The following ZNF451 variants were observed in gnomAD, a reference collection of about 807,000 sequenced individuals.
ZNF451 encodes the protein zinc finger protein 451, also known as E3 SUMO-protein ligase ZNF451.
A neutral mutation model predicts 107.1 loss-of-function variants in ZNF451; 80 were observed. The ratio of observed to expected loss-of-function variants is 0.75; its 90% CI spans 0.62 to 0.90. The LOEUF is 0.90. ZNF451 is among the 40% of genes least tolerant of loss of function. ZNF451 has a pLI of 0.00. For synonymous variants in ZNF451, 362 were observed against 406.5 expected, an observed-to-expected ratio of 0.89 and a Z score of 1.32; for missense variants, 1,107 against 1,236.2, an observed-to-expected ratio of 0.90 and a Z score of 1.57.
chr6:57,137,659 T>C (rs1831500662), intron 7 of ZNF451, among the ~76,000 whole-genome samples: 1 of 152,194 alleles, frequency 6.6e-6, no homozygotes, highest in Non-Finnish European at 1.5e-5. Context: ...GTGAGCTCCT[T>C]TGTACCTCAG....
intron 3 of ZNF451, among the ~76,000 whole-genome samples, chr6:57,120,505 A>C (rs902476763): frequency 6.6e-6 from 1 of 152,230 alleles, no homozygotes. Context: ...ACCATTTTGC[A>C]TTCCAACCAG....
chr6:57,121,209 A>G (rs1283688600), intron 3 of ZNF451, among the ~76,000 whole-genome samples: 2 of 151,980 alleles, frequency 1.3e-5, no homozygotes, highest in Non-Finnish European at 2.9e-5. Context: ...ATGTGGGTCT[A>G]TTTCTGGACT....
At chr6:57,098,902 T>G (rs959801390) in intron 2 of ZNF451, among the ~76,000 whole-genome samples, 159 bp from the exon 3 acceptor site, 1 of 152,250 alleles carries the variant, frequency 6.6e-6, no homozygotes, top group Non-Finnish European at 1.5e-5. Context: ...TTGAATATTT[T>G]CCTCTGCTGC....
In ZNF451 at chr6:57,118,206, C is replaced by T. The variant is rs553750593; in HGVS notation, c.187-6528C>T. Reference sequence around the variant, plus strand: ...TTCTCTCAACCTTTAGGAGAATTGTCATTACTGTCTTTTTTTTTTTGGTAG... The same window carrying T: ...TTCTCTCAACCTTTAGGAGAATTGTTATTACTGTCTTTTTTTTTTTGGTAG... On this transcript the variant is annotated intron_variant, in intron 3 of 14. Transcript: ENST00000370706. Among the ~76,000 whole-genome samples, 3 of 151,884 alleles carry T rather than the reference C, an allele frequency of 2.0e-5. No individual in the cohort carries two copies. The East Asian group carries it at 5.8e-4, about 29-fold the overall frequency.
At chr6:57,113,124 T>C (rs1830186823) in intron 3 of ZNF451, among the ~76,000 whole-genome samples, 1 of 152,142 alleles carries the variant, frequency 6.6e-6, no homozygotes. Flanking sequence ...AACCGATTGT[T>C]ATTTTTCTGG....
At chr6:57,101,470 T>G in intron 3 of ZNF451, 1 of 1,550,914 alleles carries the variant, frequency 6.4e-7, no homozygotes, top group Non-Finnish European at 8.7e-7. Flanking sequence ...TGTAGAAGCA[T>G]TAGAACACAG....
At chr6:57,092,119 A>G (rs982566838) in intron 2 of ZNF451, among the ~76,000 whole-genome samples, 1 of 152,150 alleles carries the variant, frequency 6.6e-6, no homozygotes, top group African/African-American at 2.4e-5. Context: ...TTCTTCCTGA[A>G]TCTTGGTATA....
chr6:57,143,428 C>A (rs1831882105), intron 9 of ZNF451, among the ~76,000 whole-genome samples: 1 of 152,192 alleles, frequency 6.6e-6, no homozygotes, highest in East Asian at 1.9e-4. Flanking sequence ...GTTGTTTGCC[C>A]ATTTTCTAGT....
chr6:57,123,527 TA>T (rs2127958730), intron 3 of ZNF451, among the ~76,000 whole-genome samples: 1 of 151,536 alleles, frequency 6.6e-6, no homozygotes, highest in African/African-American at 2.4e-5. Flanking sequence ...AGAGAGAGGG[TA>T]GGGGGACAAG....
chr6:57,105,145 A>G, intron 3 of ZNF451: 1 of 985,426 alleles, frequency 1.0e-6, no homozygotes. Flanking sequence ...TGCCATGTTC[A>G]GAACCTGCAA....
At chr6:57,103,131 A>G in intron 3 of ZNF451, 1 of 985,428 alleles carries the variant, frequency 1.0e-6, no homozygotes, top group South Asian at 4.7e-5. Context: ...CAGGCATGCA[A>G]ATCTGAACTC....
rs180880586 is a variant in ZNF451, at chr6:57,158,865, G to C, written c.3071-2219G>C. ...ATTGTGGATGAGTGGGTTAGAAGCAGTAAGTAGGGTTGGCATCTATGAGTC... is the reference window on the plus strand; with the variant it reads ...ATTGTGGATGAGTGGGTTAGAAGCACTAAGTAGGGTTGGCATCTATGAGTC... On this transcript the variant is annotated intron_variant, in intron 13 of 14. Coordinates refer to ENST00000370706, the MANE Select transcript of ZNF451 (RefSeq NM_001031623.3). 20 of 985,440 alleles carry C rather than the reference G, an allele frequency of 2.0e-5. No individual in the cohort carries two copies. The East Asian group carries it at 2.3e-3, about 112-fold the overall frequency. The allele number at this position is 985,440 out of a possible 1,614,324, so 61.0% of individuals were successfully genotyped here.
At chr6:57,105,932 A>G in intron 3 of ZNF451, 1 of 985,130 alleles carries the variant, frequency 1.0e-6, no homozygotes, top group Non-Finnish European at 1.2e-6. Flanking sequence ...ATCAATCAGT[A>G]TAATTCCATT....
At chr6:57,096,374 C>G (rs1056679825) in intron 2 of ZNF451, among the ~76,000 whole-genome samples, 2 of 151,290 alleles carry the variant, frequency 1.3e-5, no homozygotes, top group African/African-American at 2.4e-5. Flanking sequence ...TTAGTGGAGA[C>G]AGGGTTTTAC....
At chr6:57,153,723 T>C (rs1763258919) in intron 12 of ZNF451, 138 bp from the exon 13 acceptor site, 2 of 815,542 alleles carry the variant, frequency 2.5e-6, no homozygotes, top group Non-Finnish European at 1.9e-6. Flanking sequence ...GAAGGAGATC[T>C]TTATGTCATA....
At position 57,150,650 on chromosome 6, in the gene ZNF451, T is replaced by C. The variant is rs1832299507; in HGVS notation, c.2609-69T>C. The C allele has an allele frequency of 2.0e-6, 3 of 1,486,556 alleles. No homozygotes were observed. The African/African-American group carries it at 4.2e-5, about 21-fold the overall frequency. The allele number at this position is 1,486,556 out of a possible 1,614,324, so 92.1% of individuals were successfully genotyped here. ...TTGCATATTAGGCTTCTAATACTTT[T>C]TGGACTTGAAATCAGAATGATTTTA... is the stretch of plus-strand genomic sequence containing the variant. On this transcript the variant is annotated intron_variant, in intron 10 of 14. Transcript: ENST00000370706.
chr6:57,166,032 C>CT (rs771699720), intron 14 of ZNF451, among the ~76,000 whole-genome samples: 259 of 145,640 alleles, frequency 1.8e-3, no homozygotes, highest in Middle Eastern at 3.6e-3. Flanking sequence ...GGCTATACTA[C>CT]TTTTTTTTTT....
chr6:57,137,037 TA>T (rs1354002780), intron 7 of ZNF451, among the ~76,000 whole-genome samples: 1 of 152,186 alleles, frequency 6.6e-6, no homozygotes, highest in Non-Finnish European at 1.5e-5. Flanking sequence ...TCTTCATCCC[TA>T]AAATGGTATC....
intron 7 of ZNF451, among the ~76,000 whole-genome samples, chr6:57,137,541 A>G (rs1018169259): frequency 6.6e-6 from 1 of 152,230 alleles, no homozygotes; most frequent in African/African-American, 2.4e-5. Context: ...TACTTTGAGT[A>G]GCAAGTTTCT....
Sources: allele counts gnomAD v4.1 joint callset (sites outside exome capture counted in the v4.1 genomes callset), GRCh38; gene constraint gnomAD v4.1.1; transcripts MANE v1.5; gene names NCBI Gene and HGNC (gene_info 2026-07-23, HGNC 2026-07-21).